Variants in PCDHGA5 observed in about 807,000 individuals in gnomAD.
PCDHGA5 encodes the protein protocadherin gamma-A5.
In PCDHGA5, 36 loss-of-function variants were observed where a neutral mutation model predicts 56.7. The observed-to-expected ratio is 0.64, with a 90% CI of 0.49 to 0.84. PCDHGA5 has a LOEUF of 0.84. Ranked by LOEUF, PCDHGA5 falls within the 40% of genes least tolerant of loss-of-function variation. The pLI, the probability that PCDHGA5 is intolerant of heterozygous loss-of-function variation, is 0.00. For synonymous variants in PCDHGA5, 563 were observed against 520.2 expected, an observed-to-expected ratio of 1.08 and a Z score of -1.12; for missense variants, 1,305 against 1,201.5, an observed-to-expected ratio of 1.09 and a Z score of -1.27.
intron 1 of PCDHGA5, chr5:141,442,490 T>C (rs2098328971): frequency 6.6e-6 from 1 of 152,222 alleles, no homozygotes; most frequent in South Asian, 2.1e-4. Flanking sequence ...AAGGGGATGA[T>C]TGTGATTATT....
chr5:141,390,185 T>C, intron 1 of PCDHGA5: 1 of 1,614,042 alleles, frequency 6.2e-7, no homozygotes, highest in Non-Finnish European at 8.5e-7. Context: ...TCCTAAAATG[T>C]AGTGAGCAGT....
chr5:141,364,652 A>G lies in PCDHGA5; in HGVS notation c.322A>G (p.Ile108Val). The change falls in exon 1 of 4, where the codon ATC becomes GTC. Residue 108 changes from isoleucine to valine, a missense_variant. Transcript: ENST00000518069. ...QSPLCVVNFN[I>V]LVENKMKIYG... ...CCCACTGTGTGTGGTGAACTTTAAC[A>G]TCTTGGTTGAGAACAAAATGAAAAT... The G allele has an allele frequency of 6.2e-7, 1 of 1,614,056 alleles. No homozygotes were observed. Among genetic ancestry groups the G allele is most frequent in the Non-Finnish European group, 8.5e-7 (1 of 1,179,916 alleles).
chr5:141,395,547 TGTGTGTGTGTG>T (rs750624769), intron 1 of PCDHGA5: 54,616 of 173,956 alleles, frequency 0.31, 7,840 homozygotes, highest in East Asian at 0.41. Context: ...ATTGTTTGTG[TGTGTGTGTGTG>T]TGTGTGTGTG....
At position 141,431,918 on chromosome 5, in the gene PCDHGA5, C is replaced by T; in HGVS notation, c.2422-62889C>T. On this transcript the variant is annotated intron_variant, in intron 1 of 3. Transcript: ENST00000518069. This position sits in a 1 kb window ranked among gnomAD's most constrained non-coding sequence, Gnocchi z 4.8. Reference sequence around the variant, plus strand: ...AAACGGACAGGTGATCTGTTTCATCCAAGGAAATCTGCCCTTTAAATTAGA... The same window carrying T: ...AAACGGACAGGTGATCTGTTTCATCTAAGGAAATCTGCCCTTTAAATTAGA... The T allele has an allele frequency of 6.2e-7, 1 of 1,613,998 alleles. No individual in the cohort carries two copies. The highest frequency in any genetic ancestry group is 8.5e-7 in the Non-Finnish European group (1 of 1,179,862).
chr5:141,440,008 C>G, intron 1 of PCDHGA5: 1 of 153,238 alleles, frequency 6.5e-6, no homozygotes. Context: ...GAAACCTTGC[C>G]AAGGATCTGG....
At chr5:141,435,803 T>C (rs551682061) in intron 1 of PCDHGA5, among the ~76,000 whole-genome samples, 1 of 152,178 alleles carries the variant, frequency 6.6e-6, no homozygotes, top group South Asian at 2.1e-4. Context: ...ACGTCCCAAT[T>C]ATTTTTTCTT....
chr5:141,418,938 C>G, intron 1 of PCDHGA5: 1 of 1,613,738 alleles, frequency 6.2e-7, no homozygotes, highest in Non-Finnish European at 8.5e-7. Flanking sequence ...ATGGAGGATT[C>G]CCCTCCAGGA....
intron 1 of PCDHGA5, chr5:141,384,367 T>G (rs1780005491): frequency 1.2e-6 from 2 of 1,613,766 alleles, no homozygotes; most frequent in African/African-American, 2.7e-5. Flanking sequence ...GATCACTTAT[T>G]CCTTGGCCGA....
intron 1 of PCDHGA5, chr5:141,426,927 A>G (rs1480193041): frequency 2.2e-6 from 1 of 456,634 alleles, no homozygotes; most frequent in African/African-American, 2.0e-5. Flanking sequence ...AGCAATGGAC[A>G]TGGGTGACCC....
chr5:141,464,578 A>G (rs2099086989), intron 1 of PCDHGA5, among the ~76,000 whole-genome samples: 1 of 152,164 alleles, frequency 6.6e-6, no homozygotes, highest in Non-Finnish European at 1.5e-5. Flanking sequence ...ATAGATGAGA[A>G]TGTCCATTGT....
Position 141,492,023 on chromosome 5 carries a change from C to G in PCDHGA5, c.2422-2784C>G, listed in dbSNP as rs536734764. 1.8e-4 allele frequency: 102 copies of G among 564,804 alleles called. 3 individuals carry two copies. In the South Asian group the frequency reaches 2.8e-3, roughly 15 times the overall value. The allele number at this position is 564,804 out of a possible 1,614,324, so 35.0% of individuals were successfully genotyped here. A position where few individuals can be genotyped will look rare whatever the true frequency, so the allele number is the denominator to read the frequency against. On this transcript the variant is annotated intron_variant, in intron 1 of 3. Coordinates refer to ENST00000518069, the MANE Select transcript of PCDHGA5 (RefSeq NM_018918.3). Reference sequence around the variant, plus strand: ...CGATTTCCGCGGGTGTCGGGGGTCCCGGGAGGAGGCAGTCACAGATCCACC... The same window carrying G: ...CGATTTCCGCGGGTGTCGGGGGTCCGGGGAGGAGGCAGTCACAGATCCACC...
chr5:141,490,322 A>C lies in PCDHGA5; in HGVS notation c.2422-4485A>C. ...GCCTCTTTGGCCAACCCTGTCCTAGAGAGCACACCAGTGGGCACAGTAGTG... is the reference window on the plus strand; with the variant it reads ...GCCTCTTTGGCCAACCCTGTCCTAGCGAGCACACCAGTGGGCACAGTAGTG... On this transcript the variant is annotated intron_variant, in intron 1 of 3. Coordinates refer to ENST00000518069, the MANE Select transcript of PCDHGA5 (RefSeq NM_018918.3). This position sits in a 1 kb window ranked among gnomAD's most constrained non-coding sequence, Gnocchi z 5.4. The C allele has an allele frequency of 6.2e-7, 1 of 1,614,232 alleles. No individual in the cohort carries two copies. Among genetic ancestry groups the C allele is most frequent in the Non-Finnish European group, 8.5e-7 (1 of 1,180,038 alleles).
At chr5:141,423,205 A>G in intron 1 of PCDHGA5, 1 of 1,613,612 alleles carries the variant, frequency 6.2e-7, no homozygotes, top group South Asian at 1.1e-5. Flanking sequence ...GGCCACCGTC[A>G]CGCTCACCGT....
chr5:141,388,374 A>G (rs1169150224), intron 1 of PCDHGA5: 1 of 1,614,020 alleles, frequency 6.2e-7, no homozygotes, highest in South Asian at 1.1e-5. Flanking sequence ...GGATATTGGT[A>G]GCAACACACT....
In PCDHGA5 at chr5:141,365,547, C is replaced by A; in HGVS notation, c.1217C>A (p.Thr406Lys). 1 of 1,613,738 alleles carries A rather than the reference C, an allele frequency of 6.2e-7. No individual in the cohort carries two copies. The highest frequency in any genetic ancestry group is 8.5e-7 in the Non-Finnish European group (1 of 1,179,890). Reference protein sequence around the residue: ...KSVDNYYHLLTTRDLDREETS... With the variant: ...KSVDNYYHLLKTRDLDREETS... ...GTTGATAATTACTATCACCTATTAA[C>A]AACTAGGGACCTGGACAGAGAAGAG... is the stretch of plus-strand genomic sequence containing the variant. The change falls in exon 1 of 4, where the codon ACA (threonine) becomes AAA (lysine). Residue 406 changes from threonine (T) to lysine (K), a missense_variant. Coordinates refer to ENST00000518069, the MANE Select transcript of PCDHGA5 (RefSeq NM_018918.3).
intron 1 of PCDHGA5, among the ~76,000 whole-genome samples, chr5:141,459,014 T>G (rs1429233660): frequency 6.6e-6 from 1 of 152,240 alleles, no homozygotes; most frequent in Non-Finnish European, 1.5e-5. Flanking sequence ...ATTACAGGCA[T>G]GAGCCACCAC....
At chr5:141,501,402 G>A (rs527659990) in intron 2 of PCDHGA5, among the ~76,000 whole-genome samples, 5 of 151,740 alleles carry the variant, frequency 3.3e-5, no homozygotes, top group Non-Finnish European at 7.4e-5. Flanking sequence ...ACAGGCCACT[G>A]CTTGGAAAAT....
At position 141,477,401 on chromosome 5, in the gene PCDHGA5, G is replaced by T. The variant is rs781253466; in HGVS notation, c.2422-17406G>T. On this transcript the variant is annotated intron_variant, in intron 1 of 3. Coordinates refer to ENST00000518069, the MANE Select transcript of PCDHGA5 (RefSeq NM_018918.3). The surrounding 1 kb of genome is among the most constrained non-coding windows in gnomAD (Gnocchi z 4.9). ...GCCAGAATACAACCTCAGCATCACC[G>T]CCCGAGACGCCGGAACCCCTTCCCT... 8 of 1,613,960 alleles carry T rather than the reference G, an allele frequency of 5.0e-6. No homozygotes were observed. The highest frequency in any genetic ancestry group is 4.5e-5 in the East Asian group (2 of 44,890).
rs1414722237 is a variant in PCDHGA5 at position 141,432,748 on chromosome 5, C to T, written c.2422-62059C>T. On this transcript the variant is annotated intron_variant, in intron 1 of 3. Coordinates refer to ENST00000518069, the MANE Select transcript of PCDHGA5 (RefSeq NM_018918.3). The surrounding 1 kb of genome is among the most constrained non-coding windows in gnomAD (Gnocchi z 6.0). ...CCGCCACTGTCACGCTCACCGTGGC[C>T]GTGGCCGACAGCATCCCCCAAGTCC... 1 of 1,614,120 alleles carries T rather than the reference C, an allele frequency of 6.2e-7. No homozygotes were observed. The highest frequency in any genetic ancestry group is 8.5e-7 in the Non-Finnish European group (1 of 1,179,980).
Sources: allele counts gnomAD v4.1 joint callset (sites outside exome capture counted in the v4.1 genomes callset), GRCh38; gene constraint gnomAD v4.1.1; non-coding constraint Gnocchi (gnomAD v3.1); transcripts MANE v1.5; gene names NCBI Gene and HGNC (gene_info 2026-07-23, HGNC 2026-07-21).